The following RPL7 variants were observed in gnomAD, a reference collection of about 807,000 sequenced individuals.
The protein encoded by RPL7 is large ribosomal subunit protein uL30.
For synonymous variants in RPL7, 100 were observed against 102.2 expected (o/e 0.98, Z 0.13); for missense variants, 205 against 301.9 (o/e 0.68, Z 2.38).
In RPL7 at chr8:73,291,625, G is replaced by A; in HGVS notation, c.465C>T (p.Tyr155=). The change falls in exon 5 of 7, where the codon TAC becomes TAT. Residue 155 remains tyrosine, a synonymous_variant. Coordinates refer to ENST00000352983, the MANE Select transcript of RPL7 (RefSeq NM_000971.4). ...PNLKSVNELI[Y]KRGYGKINKK... is the part of the protein sequence containing the mutation. ...TATTGATTTTGCCATAACCACGCTT[G>A]TAGATTAGTTCATTTACTGACTTCA... is the stretch of plus-strand genomic sequence containing the variant. 1 of 1,597,384 alleles carries A rather than the reference G, an allele frequency of 6.3e-7. No individual in the cohort carries two copies. Among genetic ancestry groups the A allele is most frequent in the Non-Finnish European group, 8.6e-7 (1 of 1,166,078 alleles).
chr8:73,291,320 T>A, intron 5 of RPL7, 68 bp from the exon 6 acceptor site: 1 of 1,263,592 alleles, frequency 7.9e-7, no homozygotes, highest in Non-Finnish European at 1.1e-6. Flanking sequence ...ATTCAAAATC[T>A]TTTTGAATAG....
chr8:73,291,759 G>A lies in RPL7; in HGVS notation c.428+14C>T. 6.3e-7 allele frequency: 1 copy of A among 1,597,324 alleles called. No individual in the cohort carries two copies. Among genetic ancestry groups the A allele is most frequent in the Non-Finnish European group, 8.6e-7 (1 of 1,166,304 alleles). ...AATTTATCAAATAGAAATCAAAGGAGAAAAGAGACTTACCCCCATGCAATA... is the reference window on the plus strand; with the variant it reads ...AATTTATCAAATAGAAATCAAAGGAAAAAAGAGACTTACCCCCATGCAATA... On this transcript the variant is annotated intron_variant, in intron 4 of 6. Transcript: ENST00000352983.
At chr8:73,292,598 T>TA (rs1814128798) in intron 2 of RPL7, 91 bp downstream of exon 2, 1 of 1,108,678 alleles carries the variant, frequency 9.0e-7, no homozygotes, top group Non-Finnish European at 1.3e-6. Flanking sequence ...TCAGTACAGT[T>TA]AGGAAGTAAA....
chr8:73,291,444 A>C (rs2130340215), intron 5 of RPL7, 108 bp downstream of exon 5: 1 of 922,940 alleles, frequency 1.1e-6, no homozygotes. Flanking sequence ...TAAATCAAGA[A>C]TCATAGGGAA....
upstream of RPL7, chr8:73,293,850 CAA>C (rs1814177056): frequency 2.0e-6 from 1 of 503,216 alleles, no homozygotes; most frequent in East Asian, 3.7e-5. Context: ...AATTCAAGAG[CAA>C]AGAGTGCTGA....
In RPL7 at chr8:73,291,761, A is replaced by G. The variant is rs1477119231; in HGVS notation, c.428+12T>C. ...TTTATCAAATAGAAATCAAAGGAGAAAAGAGACTTACCCCCATGCAATATA... is the reference window on the plus strand; with the variant it reads ...TTTATCAAATAGAAATCAAAGGAGAGAAGAGACTTACCCCCATGCAATATA... On this transcript the variant is annotated intron_variant, in intron 4 of 6. Coordinates refer to ENST00000352983, the MANE Select transcript of RPL7 (RefSeq NM_000971.4). The G allele has an allele frequency of 1.3e-6, 2 of 1,597,750 alleles. No individual in the cohort carries two copies. Among genetic ancestry groups the G allele is most frequent in the Non-Finnish European group, 1.7e-6 (2 of 1,166,644 alleles).
At chr8:73,290,789 G>C in intron 6 of RPL7, 84 bp from the exon 7 acceptor site, 1 of 441,244 alleles carries the variant, frequency 2.3e-6, no homozygotes, top group South Asian at 3.5e-5. Context: ...AGTAATGATT[G>C]AGTTTACATT....
At chr8:73,291,439 CAAGAATCATAGGGA>C (rs921354638) in intron 5 of RPL7, 99 bp downstream of exon 5, 1 of 922,512 alleles carries the variant, frequency 1.1e-6, no homozygotes, top group Admixed American at 2.7e-5. Context: ...TAAGCTAAAT[CAAGAATCATAGGGA>C]ACACATGAAG....
At position 73,290,918 on chromosome 8, in the gene RPL7, C is replaced by G. The variant is rs545046321; in HGVS notation, c.*1+125G>C. 1.8e-5 allele frequency: 13 copies of G among 717,966 alleles called. No individual in the cohort carries two copies. In the Admixed American group the frequency reaches 2.0e-4, roughly 11 times the overall value. 44.5% of individuals were successfully genotyped at this position (717,966 alleles called of 1,614,324 possible). On this transcript the variant is annotated intron_variant, in intron 6 of 6. Coordinates refer to ENST00000352983, the MANE Select transcript of RPL7 (RefSeq NM_000971.4). ...TGTAATCATTAAGATAGTTGACCCC[C>G]ACTCCCCACAAAAGCACTGATTAAA...
At chr8:73,293,406 C>A in intron 1 of RPL7, 193 bp downstream of exon 1, 2 of 618,966 alleles carry the variant, frequency 3.2e-6, no homozygotes, top group South Asian at 3.9e-5. Flanking sequence ...CCCGGGATCT[C>A]CAAAACCTCC....
chr8:73,293,573 T>G (rs1174775452), intron 1 of RPL7, 26 bp downstream of exon 1: 1 of 1,613,484 alleles, frequency 6.2e-7, no homozygotes, highest in African/African-American at 1.3e-5. Context: ...GGAGAAGGAT[T>G]CTCAAGAGGA....
Position 73,292,921 on chromosome 8 carries a change from C to T in RPL7, c.15-124G>A, listed in dbSNP as rs532037165. 1.4e-4 allele frequency: 89 copies of T among 655,810 alleles called. No homozygotes were observed. The African/African-American group carries it at 1.5e-3, about 11-fold the overall frequency. 40.6% of individuals were successfully genotyped at this position (655,810 alleles called of 1,614,324 possible). ...CTGACTTTAGTCACTAGTAACTTTA[C>T]TTGCTCTGGCATGCTACAGTGTACG... On this transcript the variant is annotated intron_variant, in intron 1 of 6. Transcript: ENST00000352983.
chr8:73,294,402 G>C (rs1462893413), upstream of RPL7: 1 of 152,688 alleles, frequency 6.5e-6, no homozygotes, highest in Non-Finnish European at 1.5e-5. Context: ...GGAGGTGCGA[G>C]GAGGGCTGAG....
chr8:73,292,142 G>GTT, intron 3 of RPL7, 97 bp downstream of exon 3: 3 of 1,259,910 alleles, frequency 2.4e-6, no homozygotes, highest in Non-Finnish European at 3.3e-6. Flanking sequence ...CTAAAATATT[G>GTT]TTACTCCGGT....
At chr8:73,291,723 G>A (rs1381318783) in intron 4 of RPL7, 50 bp downstream of exon 4, 1 of 1,590,530 alleles carries the variant, frequency 6.3e-7, no homozygotes, top group African/African-American at 1.3e-5. Flanking sequence ...AATTCATGTT[G>A]CTACATAACC....
rs1814083890 is a variant in RPL7 at position 73,291,053 on chromosome 8, T to C, written c.738A>G (p.Arg246=). The C allele has an allele frequency of 6.2e-7, 1 of 1,608,332 alleles. No individual in the cohort carries two copies. The highest frequency in any genetic ancestry group is 8.5e-7 in the Non-Finnish European group (1 of 1,176,430). Residue 246 remains arginine (R), a synonymous_variant, in exon 6 of 7, where the codon AGA becomes AGG. Transcript: ENST00000352983. The part of the protein sequence containing the change: ...REDQINRLIR[R]MN ...GATGAGGTCTCTCACCTTAGTTCAT[T>C]CTTCTAATAAGCCTGTTGATCTGGT...
chr8:73,292,355 G>C lies in RPL7; in HGVS notation c.174C>G (p.His58Gln). 6.2e-7 allele frequency: 1 copy of C among 1,602,632 alleles called. No homozygotes were observed. Among genetic ancestry groups the C allele is most frequent in the Non-Finnish European group, 8.5e-7 (1 of 1,178,928 alleles). Residue 58 changes from histidine (H) to glutamine (Q), a missense_variant, in exon 3 of 7, where the codon CAC becomes CAG. Coordinates refer to ENST00000352983, the MANE Select transcript of RPL7 (RefSeq NM_000971.4). ...TTCTGTACATCTGCCTATATTCCTT[G>C]TGATAGTGCTTTGCTTTTTCATAGA... ...KLIYEKAKHYHKEYRQMYRTE... is the reference protein window; with the variant it reads ...KLIYEKAKHYQKEYRQMYRTE...
chr8:73,292,138 T>C lies in RPL7; in HGVS notation c.290+101A>G, dbSNP rs77487338. 1,663 of 1,258,684 alleles carry C rather than the reference T, an allele frequency of 1.3e-3. 18 individuals are homozygous for C. The African/African-American group carries it at 0.023, about 17-fold the overall frequency. 78.0% of individuals were successfully genotyped at this position (1,258,684 alleles called of 1,614,324 possible). A position where few individuals can be genotyped will look rare whatever the true frequency, so the allele number is the denominator to read the frequency against. On this transcript the variant is annotated intron_variant, in intron 3 of 6. Coordinates refer to ENST00000352983, the MANE Select transcript of RPL7 (RefSeq NM_000971.4). ...CTCCTTGTTCTAGCTTCCCCTAAAA[T>C]ATTGTTACTCCGGTGTTTCAGAATC...
chr8:73,292,871 G>A (rs1289655340), intron 1 of RPL7, 74 bp from the exon 2 acceptor site: 1 of 1,091,800 alleles, frequency 9.2e-7, no homozygotes, highest in Non-Finnish European at 1.3e-6. Flanking sequence ...GTACTGAGCA[G>A]TGTTGTTTAC....
Sources: gnomAD v4.1 joint callset for allele counts on GRCh38, gnomAD v4.1.1 for gene constraint, MANE v1.5 for transcripts, NCBI Gene and HGNC (gene_info 2026-07-23, HGNC 2026-07-21) for gene names.